ERC2: variants seen among roughly 807,000 people sequenced by gnomAD.
ERC2 encodes ERC protein 2.
In ERC2, 42 loss-of-function variants were observed where a neutral mutation model predicts 114.8. The ratio of observed to expected loss-of-function variants is 0.37; its 90% CI spans 0.29 to 0.47. The LOEUF (loss-of-function observed/expected upper bound fraction) is 0.47, where lower values mean the gene tolerates loss of function less well. ERC2 is among the 20% of genes least tolerant of loss of function. ERC2 has a pLI of 0.99. For synonymous variants in ERC2, 454 were observed against 425.5 expected (o/e 1.07, Z -0.82); for missense variants, 939 against 1,150.7 (o/e 0.82, Z 2.66).
intron 2 of ERC2, among the ~76,000 whole-genome samples, chr3:56,386,147 T>C (rs1189653465): frequency 6.6e-6 from 1 of 152,094 alleles, no homozygotes; most frequent in African/African-American, 2.4e-5. Flanking sequence ...GTGGCAAGGA[T>C]TAGGAAAACA....
chr3:56,406,123 C>T (rs1484142038), intron 2 of ERC2, among the ~76,000 whole-genome samples: 1 of 133,634 alleles, frequency 7.5e-6, no homozygotes, highest in Non-Finnish European at 1.7e-5. Context: ...GAACTCCTGG[C>T]CTCAAGTGAT....
intron 13 of ERC2, among the ~76,000 whole-genome samples, chr3:55,931,454 G>C (rs573134175): frequency 2.0e-5 from 3 of 152,130 alleles, no homozygotes; most frequent in Non-Finnish European, 4.4e-5. Context: ...CCTTTTCAGG[G>C]ACATGGATGA....
chr3:56,458,883 C>T (rs761399209), intron 1 of ERC2, among the ~76,000 whole-genome samples: 1 of 152,176 alleles, frequency 6.6e-6, no homozygotes, highest in Non-Finnish European at 1.5e-5. Context: ...TCTCGGAACC[C>T]GCCCCTTGAA....
intron 14 of ERC2, among the ~76,000 whole-genome samples, chr3:55,795,450 T>A (rs148481691): frequency 1.3e-5 from 2 of 152,152 alleles, no homozygotes; most frequent in South Asian, 4.1e-4. Flanking sequence ...CATAAAACCG[T>A]TTTGACCCCT....
intron 7 of ERC2, among the ~76,000 whole-genome samples, chr3:56,028,134 G>T (rs1022651865): frequency 1.3e-5 from 2 of 151,972 alleles, no homozygotes; most frequent in Non-Finnish European, 2.9e-5. Context: ...GTATTTCTGG[G>T]TCCTAGTCTG....
chr3:56,127,756 G>T (rs2079961646), intron 6 of ERC2, among the ~76,000 whole-genome samples: 1 of 148,868 alleles, frequency 6.7e-6, no homozygotes, highest in Non-Finnish European at 1.5e-5. Context: ...GCATAGTATT[G>T]GCATAAAAAC....
intron 1 of ERC2, among the ~76,000 whole-genome samples, chr3:56,460,964 C>CAA (rs35313545): frequency 0.017 from 1,679 of 98,130 alleles, 28 homozygotes; most frequent in South Asian, 0.069. Flanking sequence ...ACTAAAAATA[C>CAA]AAAAAAAAAA....
At chr3:56,461,138 C>T (rs574293280) in intron 1 of ERC2, among the ~76,000 whole-genome samples, 7 of 152,102 alleles carry the variant, frequency 4.6e-5, no homozygotes, top group Middle Eastern at 3.4e-3. Context: ...GCACGGACAG[C>T]GGATGTAGAT....
Position 55,638,131 on chromosome 3 carries a change from A to C in ERC2, c.*39+45663T>G, listed in dbSNP as rs367882688. ...CCAGGGCCCCATTCCTCCCACAACA[A>C]AAAGTCATCTTTTCTCTTTCCCCCT... On this transcript the variant is annotated intron_variant, in intron 17 of 17. Transcript: ENST00000288221. 2.6e-5 allele frequency among the ~76,000 whole-genome samples: 4 copies of C among 152,112 alleles called. No individual in the cohort carries two copies. In the East Asian group the frequency reaches 5.8e-4, roughly 22 times the overall value.
chr3:55,792,115 A>T (rs1340991986), intron 14 of ERC2, among the ~76,000 whole-genome samples: 1 of 152,216 alleles, frequency 6.6e-6, no homozygotes, highest in Non-Finnish European at 1.5e-5. Flanking sequence ...AGATAAACAG[A>T]CTATAACAGA....
At chr3:55,610,700 T>C (rs1301176711) in intron 17 of ERC2, 1 of 152,156 alleles carries the variant, frequency 6.6e-6, no homozygotes, top group Non-Finnish European at 1.5e-5. Context: ...GAACGAGACC[T>C]TGACTCCAAA....
At chr3:56,220,963 A>G (rs1465731879) in intron 3 of ERC2, among the ~76,000 whole-genome samples, 2 of 152,186 alleles carry the variant, frequency 1.3e-5, no homozygotes, top group Non-Finnish European at 2.9e-5. Flanking sequence ...TGTTTTGATC[A>G]GGTACTCTTA....
At chr3:55,826,641 AG>A (rs768317808) in intron 14 of ERC2, among the ~76,000 whole-genome samples, 8 of 152,212 alleles carry the variant, frequency 5.3e-5, no homozygotes, top group Non-Finnish European at 1.2e-4. Context: ...ATTTTACAAA[AG>A]GCTAAAACAG....
At chr3:55,869,821 G>A (rs554485833) in intron 14 of ERC2, among the ~76,000 whole-genome samples, 2 of 152,226 alleles carry the variant, frequency 1.3e-5, no homozygotes, top group East Asian at 3.9e-4. Context: ...AATGCACAGA[G>A]AAAGAATGCA....
At chr3:56,207,226 A>G (rs1276091368) in intron 3 of ERC2, among the ~76,000 whole-genome samples, 1 of 152,066 alleles carries the variant, frequency 6.6e-6, no homozygotes, top group East Asian at 1.9e-4. Context: ...AATTCAAAAC[A>G]AGGGATTATT....
At chr3:56,436,421 C>T (rs1201506419) in intron 1 of ERC2, among the ~76,000 whole-genome samples, 1 of 152,186 alleles carries the variant, frequency 6.6e-6, no homozygotes, top group Non-Finnish European at 1.5e-5. Context: ...GAGATAAGTA[C>T]ATTAATAGCA....
intron 7 of ERC2, among the ~76,000 whole-genome samples, chr3:56,046,646 T>C (rs985412814): frequency 1.3e-5 from 2 of 151,848 alleles, no homozygotes; most frequent in African/African-American, 4.8e-5. Flanking sequence ...ATGGACAGAG[T>C]GTCAGCATAA....
At position 55,891,402 on chromosome 3, in the gene ERC2, C is replaced by T. The variant is rs137939761; in HGVS notation, c.2404-2853G>A. On this transcript the variant is annotated intron_variant, in intron 13 of 17. Transcript: ENST00000288221. ...TTGGGGGTGGTAACTCCCAGCATAA[C>T]CTGGCCTATCTTCACTGGTGAACTG... Among the ~76,000 whole-genome samples, 438 of 150,896 alleles carry T rather than the reference C, an allele frequency of 2.9e-3. 1 individual carries two copies. Among genetic ancestry groups the T allele is most frequent in the Middle Eastern group, 0.011 (3 of 282 alleles).
intron 2 of ERC2, among the ~76,000 whole-genome samples, chr3:56,369,169 T>C (rs1398420276): frequency 6.6e-6 from 1 of 152,248 alleles, no homozygotes; most frequent in Non-Finnish European, 1.5e-5. Context: ...GTCCTAGTTG[T>C]TGTCCACTCA....
Sources: allele counts gnomAD v4.1 joint callset (sites outside exome capture counted in the v4.1 genomes callset), GRCh38; gene constraint gnomAD v4.1.1; transcripts MANE v1.5; gene names NCBI Gene and HGNC (gene_info 2026-07-23, HGNC 2026-07-21).